The following PCDHA6 variants were observed in gnomAD, a reference collection of about 807,000 sequenced individuals.
PCDHA6 encodes protocadherin alpha-6.
A neutral mutation model predicts 60.3 loss-of-function variants in PCDHA6; 55 were observed. The observed-to-expected ratio is 0.91, with a 90% CI of 0.73 to 1.14. The LOEUF (loss-of-function observed/expected upper bound fraction) is 1.14. PCDHA6 is among the 50% of genes most tolerant of loss of function. PCDHA6 has a pLI of 0.00. For missense variants in PCDHA6, 1,327 were observed against 1,256.5 expected (o/e 1.06, Z -0.85); for synonymous variants, 652 against 557.9 (o/e 1.17, Z -2.38).
At chr5:140,998,118 G>A (rs545818682) in intron 3 of PCDHA6, among the ~76,000 whole-genome samples, 5 of 152,282 alleles carry the variant, frequency 3.3e-5, no homozygotes, top group Admixed American at 1.3e-4. Flanking sequence ...AAATTTACTT[G>A]TGAATCATAA....
chr5:140,995,401 G>A (rs576317630), intron 3 of PCDHA6, among the ~76,000 whole-genome samples: 7 of 152,238 alleles, frequency 4.6e-5, no homozygotes, highest in African/African-American at 1.4e-4. Context: ...GGGATGGCTC[G>A]AGATTTCATC....
intron 1 of PCDHA6, among the ~76,000 whole-genome samples, chr5:140,921,749 A>G (rs1366376226): frequency 6.6e-6 from 1 of 152,196 alleles, no homozygotes; most frequent in Non-Finnish European, 1.5e-5. Context: ...GCATAACAGG[A>G]CACTTCTTGG....
intron 1 of PCDHA6, among the ~76,000 whole-genome samples, chr5:140,897,896 T>C (rs1377037458): frequency 6.6e-6 from 1 of 152,204 alleles, no homozygotes; most frequent in Non-Finnish European, 1.5e-5. Context: ...TGGTGTGAGA[T>C]GGTATCTCAT....
At chr5:140,841,190 T>C (rs1442612057) in intron 1 of PCDHA6, 14 of 1,237,774 alleles carry the variant, frequency 1.1e-5, no homozygotes, top group Non-Finnish European at 1.6e-5. Context: ...TCAAAGTCTT[T>C]TCTCTGACAG....
intron 3 of PCDHA6, among the ~76,000 whole-genome samples, chr5:140,995,493 G>T (rs1427672474): frequency 6.6e-6 from 1 of 152,148 alleles, no homozygotes; most frequent in Non-Finnish European, 1.5e-5. Flanking sequence ...TCAGACTAAG[G>T]TTGACTGTGG....
intron 1 of PCDHA6, chr5:140,834,901 G>T: frequency 6.2e-7 from 1 of 1,600,398 alleles, no homozygotes; most frequent in Non-Finnish European, 8.5e-7. Context: ...TACAGACTGA[G>T]CCCCAATGAG....
intron 1 of PCDHA6, chr5:140,870,360 C>T (rs1562642999): frequency 6.2e-7 from 1 of 1,614,166 alleles, no homozygotes; most frequent in Non-Finnish European, 8.5e-7. Context: ...ACGTGTGGGC[C>T]TATGAACTGG....
intron 1 of PCDHA6, chr5:140,842,003 C>G: frequency 6.2e-7 from 1 of 1,613,776 alleles, no homozygotes; most frequent in Non-Finnish European, 8.5e-7. Flanking sequence ...CACTGTTCAG[C>G]TGCTGGTCAC....
rs147219331 is a variant in PCDHA6, at chr5:140,927,900, T to C, written c.2395-51049T>C. On this transcript the variant is annotated intron_variant, in intron 1 of 3. Transcript: ENST00000529310. Reference sequence around the variant, plus strand: ...TGGAGGTGACTGACGTGAACGATCATGCCCCCGAACTGGACTTCCTGACTC... The same window carrying C: ...TGGAGGTGACTGACGTGAACGATCACGCCCCCGAACTGGACTTCCTGACTC... 2,142 of 1,614,232 alleles carry C rather than the reference T, an allele frequency of 1.3e-3. 2 individuals are homozygous for C. The highest frequency in any genetic ancestry group is 1.7e-3 in the Non-Finnish European group (2,053 of 1,180,040).
chr5:140,950,515 C>T lies in PCDHA6; in HGVS notation c.2395-28434C>T, dbSNP rs144121614. 1.4e-3 allele frequency among the ~76,000 whole-genome samples: 220 copies of T among 151,996 alleles called. 1 individual carries two copies. The highest frequency in any genetic ancestry group is 4.9e-3 in the African/African-American group (204 of 41,490). On this transcript the variant is annotated intron_variant, in intron 1 of 3. Transcript: ENST00000529310. The stretch of plus-strand genomic sequence containing the variant: ...CATTTAAGTCATTATTCCCTGTGTG[C>T]GATATGATTGTTTTTGTTGCTCTTG...
In PCDHA6 at chr5:140,830,117, C is replaced by A. The variant is rs2150181375; in HGVS notation, c.2026C>A (p.Pro676Thr). The change falls in exon 1 of 4, where the codon CCA becomes ACA. Residue 676 changes from proline (P) to threonine (T), a missense_variant. By Grantham distance (38) the Pro-to-Thr change is conservative. Coordinates refer to ENST00000529310, the MANE Select transcript of PCDHA6 (RefSeq NM_018909.4). ...GTCGCTGGTGGAGAGTGGCCAGGCTCCAAAGGCGTCATCACGGGCGTCGGT... is the reference window on the plus strand; with the variant it reads ...GTCGCTGGTGGAGAGTGGCCAGGCTACAAAGGCGTCATCACGGGCGTCGGT... ...LVSLVESGQA[P>T]KASSRASVGA... 6.2e-7 allele frequency: 1 copy of A among 1,613,510 alleles called. No homozygotes were observed. Among genetic ancestry groups the A allele is most frequent in the Non-Finnish European group, 8.5e-7 (1 of 1,179,866 alleles).
At chr5:140,869,920 G>A (rs1554163605) in intron 1 of PCDHA6, 2 of 1,611,398 alleles carry the variant, frequency 1.2e-6, no homozygotes, top group Non-Finnish European at 1.7e-6. Flanking sequence ...AGACGAAGGA[G>A]TCAATGGAGA....
At chr5:140,926,972 C>A (rs782504064) in intron 1 of PCDHA6, 2 of 1,609,464 alleles carry the variant, frequency 1.2e-6, no homozygotes. Flanking sequence ...TACTCAGTGC[C>A]GGAGGAGACG....
rs186453463 is a variant in PCDHA6 at position 140,951,770 on chromosome 5, C to T, written c.2395-27179C>T. On this transcript the variant is annotated intron_variant, in intron 1 of 3. Transcript: ENST00000529310. ...ACCCTCCGCGAAATCTCATGACGTT[C>T]TTACATTGCAAAATACAATTATCCC... 1.6e-3 allele frequency among the ~76,000 whole-genome samples: 247 copies of T among 152,268 alleles called. 1 individual carries two copies. The highest frequency in any genetic ancestry group is 5.5e-3 in the African/African-American group (229 of 41,576).
chr5:140,868,252 T>C (rs1186054905), intron 1 of PCDHA6: 1 of 152,134 alleles, frequency 6.6e-6, no homozygotes. Context: ...AGACTTTTCC[T>C]TTGTGGATTC....
intron 1 of PCDHA6, among the ~76,000 whole-genome samples, chr5:140,975,197 C>T (rs1176492853): frequency 6.6e-6 from 1 of 152,230 alleles, no homozygotes; most frequent in Non-Finnish European, 1.5e-5. Flanking sequence ...TCTGCTCCAT[C>T]TTCATGGCTG....
chr5:140,988,694 C>T (rs1328459106), intron 3 of PCDHA6, among the ~76,000 whole-genome samples: 1 of 152,180 alleles, frequency 6.6e-6, no homozygotes, highest in Non-Finnish European at 1.5e-5. Flanking sequence ...CCTAGACGCT[C>T]TGTATTTTCT....
chr5:141,010,063 G>C lies in PCDHA6; in HGVS notation c.*126G>C, dbSNP rs1393265789. ...CTCTTAGAGACCTCAGAAATCTGCA[G>C]AAAGTTCCCTGTGTCTGTCTAGAAC... On this transcript the variant is annotated 3_prime_UTR_variant, in exon 4 of 4. Transcript: ENST00000529310. 31 of 1,602,790 alleles carry C rather than the reference G, an allele frequency of 1.9e-5. No individual in the cohort carries two copies. The highest frequency in any genetic ancestry group is 2.6e-5 in the Non-Finnish European group (31 of 1,174,498).
rs2150352626 is a variant in PCDHA6, at chr5:140,843,105, G to T, written c.2394+12620G>T. On this transcript the variant is annotated intron_variant, in intron 1 of 3. Coordinates refer to ENST00000529310, the MANE Select transcript of PCDHA6 (RefSeq NM_018909.4). ...GCGGGCCACGTGGTAGCGAAGGTGC[G>T]CGCAGTGGACGCCGACTCGGGCTAC... 11 of 1,595,772 alleles carry T rather than the reference G, an allele frequency of 6.9e-6. 2 individuals carry two copies. Among genetic ancestry groups the T allele is most frequent in the Non-Finnish European group, 9.4e-6 (11 of 1,165,508 alleles).
Sources: allele counts gnomAD v4.1 joint callset (sites outside exome capture counted in the v4.1 genomes callset), GRCh38; gene constraint gnomAD v4.1.1; transcripts MANE v1.5; gene names NCBI Gene and HGNC (gene_info 2026-07-23, HGNC 2026-07-21).